Variants in KALRN observed in about 807,000 individuals in gnomAD.
KALRN encodes kalirin RhoGEF kinase, also known as kalirin.
A neutral mutation model predicts 353.7 loss-of-function variants in KALRN; 70 were observed. The observed-to-expected ratio is 0.20, with a 90% CI of 0.16 to 0.24. KALRN has a LOEUF of 0.24. Among genes scored for constraint, KALRN ranks in the 10% least tolerant of loss-of-function variants. The pLI is 1.00. For synonymous variants in KALRN, 1,391 were observed against 1,434.8 expected (o/e 0.97, Z 0.69); for missense variants, 2,791 against 3,756.7 (o/e 0.74, Z 6.72).
At chr3:124,623,786 A>G (rs678911) in intron 34 of KALRN, among the ~76,000 whole-genome samples, 43,758 of 151,734 alleles carry the variant, frequency 0.29, 7,592 homozygotes, top group East Asian at 0.58. Context: ...TTGATACTCA[A>G]TATTAACCAT....
intron 13 of KALRN, among the ~76,000 whole-genome samples, chr3:124,405,122 T>C (rs908638210): frequency 1.3e-5 from 2 of 152,236 alleles, no homozygotes; most frequent in Non-Finnish European, 2.9e-5. Context: ...ATTTATTTCA[T>C]AGTCTCTTCT....
chr3:124,122,957 C>G (rs376601854), intron 1 of KALRN, among the ~76,000 whole-genome samples: 32 of 152,100 alleles, frequency 2.1e-4, no homozygotes, highest in African/African-American at 7.5e-4. Context: ...AATCCCAGCA[C>G]TTTGGGAGGC....
At chr3:124,161,004 G>T (rs1215138626) in intron 1 of KALRN, among the ~76,000 whole-genome samples, 1 of 152,174 alleles carries the variant, frequency 6.6e-6, no homozygotes, top group African/African-American at 2.4e-5. Flanking sequence ...AAGTAATGAA[G>T]GTTTCAGTTT....
At position 124,658,499 on chromosome 3, in the gene KALRN, G is replaced by A. The variant is rs757771267; in HGVS notation, c.6105G>A (p.Glu2035=). The A allele has an allele frequency of 2.5e-6, 4 of 1,613,960 alleles. No individual in the cohort carries two copies. Among genetic ancestry groups the A allele is most frequent in the South Asian group, 2.2e-5 (2 of 91,086 alleles). ...CGCGCTCAGAGTACATCGTTGCTGAGTATGACGCCTACTTTGAGGTAAGCT... is the reference window on the plus strand; with the variant it reads ...CGCGCTCAGAGTACATCGTTGCTGAATATGACGCCTACTTTGAGGTAAGCT... The part of the protein sequence containing the change: ...NKPRSEYIVA[E]YDAYFEEVKQ... The change falls in exon 42 of 60, where the codon GAG becomes GAA. Residue 2035 remains glutamate (E), a synonymous_variant. Transcript: ENST00000682506.
At position 124,537,492 on chromosome 3, in the gene KALRN, G is replaced by T. The variant is rs1458464958; in HGVS notation, c.4936-25351G>T. Among the ~76,000 whole-genome samples, 4 of 152,320 alleles carry T rather than the reference G, an allele frequency of 2.6e-5. No homozygotes were observed. The South Asian group carries it at 6.2e-4, about 24-fold the overall frequency. ...AGGTAGGGAGATGTTACTGGGAACT[G>T]CTGGTGGTGATGATGCAGACAGGAG... is the stretch of plus-strand genomic sequence containing the variant. On this transcript the variant is annotated intron_variant, in intron 33 of 59. Transcript: ENST00000682506.
chr3:124,545,847 G>A (rs2109409554), intron 33 of KALRN, among the ~76,000 whole-genome samples: 1 of 152,280 alleles, frequency 6.6e-6, no homozygotes, highest in Non-Finnish European at 1.5e-5. Context: ...TTTTAGATAA[G>A]GACAGCAACC....
At chr3:124,483,445 G>A (rs140658903) in intron 28 of KALRN, among the ~76,000 whole-genome samples, 188 of 152,240 alleles carry the variant, frequency 1.2e-3, no homozygotes, top group African/African-American at 4.2e-3. Context: ...CCAATTACTC[G>A]GGAGGCTGAG....
intron 1 of KALRN, among the ~76,000 whole-genome samples, chr3:124,114,130 T>C (rs1319735305): frequency 6.6e-6 from 1 of 152,128 alleles, no homozygotes; most frequent in Non-Finnish European, 1.5e-5. Context: ...AGGGAGCAGG[T>C]TGGAAGAACA....
chr3:124,448,401 A>G (rs1188261736), intron 21 of KALRN, among the ~76,000 whole-genome samples: 9 of 152,088 alleles, frequency 5.9e-5, no homozygotes, highest in Non-Finnish European at 4.4e-5. Flanking sequence ...TGCCTTTAGG[A>G]TAATGCTCCA....
chr3:124,446,601 G>T (rs1166216837), intron 20 of KALRN, among the ~76,000 whole-genome samples, 162 bp from the exon 21 acceptor site: 2 of 152,050 alleles, frequency 1.3e-5, no homozygotes, highest in African/African-American at 4.8e-5. Flanking sequence ...AGCAAGGGAG[G>T]GCTCATTCAT....
chr3:124,635,355 C>T (rs2081246434), intron 36 of KALRN, among the ~76,000 whole-genome samples: 1 of 152,220 alleles, frequency 6.6e-6, no homozygotes, highest in South Asian at 2.1e-4. Context: ...ACCACCTTCT[C>T]TCTCTAATTC....
chr3:124,110,355 GATATATATATGA>G, intron 1 of KALRN, among the ~76,000 whole-genome samples: 1 of 63,394 alleles, frequency 1.6e-5, no homozygotes, highest in Non-Finnish European at 4.2e-5. Flanking sequence ...ATCATACTTT[GATATATATATGA>G]CATATATATC....
chr3:124,120,293 G>A (rs538877461), intron 1 of KALRN, among the ~76,000 whole-genome samples: 1 of 152,228 alleles, frequency 6.6e-6, no homozygotes, highest in South Asian at 2.1e-4. Context: ...TTCTATGGGT[G>A]GTCTTGCTGT....
At chr3:124,637,073 G>C in intron 36 of KALRN, 135 bp from the exon 37 acceptor site, 1 of 713,934 alleles carries the variant, frequency 1.4e-6, no homozygotes. Context: ...TTCTCCCTCT[G>C]TCACCTCTTC....
At chr3:124,371,270 A>T (rs1009742247) in intron 10 of KALRN, among the ~76,000 whole-genome samples, 3 of 152,204 alleles carry the variant, frequency 2.0e-5, no homozygotes, top group Admixed American at 6.5e-5. Context: ...CACATTTCCT[A>T]TGAACTTTTT....
intron 13 of KALRN, 78 bp downstream of exon 13, chr3:124,398,949 G>A (rs1172729418): frequency 2.8e-6 from 4 of 1,443,614 alleles, no homozygotes; most frequent in African/African-American, 1.4e-5. Flanking sequence ...CAGGGGCAGG[G>A]CAGTAGCCTA....
chr3:124,645,702 G>T (rs2082632011), intron 37 of KALRN, among the ~76,000 whole-genome samples: 1 of 150,212 alleles, frequency 6.7e-6, no homozygotes, highest in Non-Finnish European at 1.5e-5. Context: ...TTAACCATTT[G>T]TCCATCAATA....
intron 33 of KALRN, among the ~76,000 whole-genome samples, chr3:124,510,389 C>G (rs1467426206): frequency 6.6e-6 from 1 of 152,018 alleles, no homozygotes; most frequent in Non-Finnish European, 1.5e-5. Flanking sequence ...ATGCCTGGTT[C>G]AAGTTCAGGG....
chr3:124,261,360 A>G (rs562540306), intron 3 of KALRN, among the ~76,000 whole-genome samples: 1 of 152,302 alleles, frequency 6.6e-6, no homozygotes, highest in Admixed American at 6.5e-5. Flanking sequence ...CAAATACTGA[A>G]CTATAGCCCC....
Sources: gnomAD v4.1 joint callset for allele counts (sites outside exome capture counted in the v4.1 genomes callset) on GRCh38, gnomAD v4.1.1 for gene constraint, MANE v1.5 for transcripts, NCBI Gene and HGNC (gene_info 2026-07-23, HGNC 2026-07-21) for gene names.